JARID2: variants seen among roughly 807,000 people sequenced by gnomAD.
JARID2 encodes the protein jumonji and AT-rich interaction domain containing 2, also known as protein Jumonji.
A neutral mutation model predicts 125.6 loss-of-function variants in JARID2; 21 were observed. The ratio of observed to expected loss-of-function variants is 0.17; its 90% CI spans 0.12 to 0.24. The LOEUF is 0.24. Ranked by LOEUF, JARID2 falls within the 10% of genes least tolerant of loss-of-function variation. The pLI, the probability that JARID2 is intolerant of heterozygous loss-of-function variation, is 1.00. For synonymous variants in JARID2, 736 were observed against 661.6 expected (o/e 1.11, Z -1.73); for missense variants, 1,303 against 1,639.6 (o/e 0.79, Z 3.55).
intron 2 of JARID2, among the ~76,000 whole-genome samples, chr6:15,402,576 C>T (rs1282913951): frequency 2.0e-5 from 3 of 152,224 alleles, no homozygotes; most frequent in South Asian, 2.1e-4. Context: ...AAAAAATGCC[C>T]TTGTGTTTCC....
At chr6:15,336,475 G>T (rs776275959) in intron 1 of JARID2, among the ~76,000 whole-genome samples, 1 of 152,174 alleles carries the variant, frequency 6.6e-6, no homozygotes. Context: ...CTACATTTAA[G>T]ACAATATTTG....
At chr6:15,416,742 G>A (rs530854960) in intron 3 of JARID2, among the ~76,000 whole-genome samples, 3 of 151,788 alleles carry the variant, frequency 2.0e-5, no homozygotes, top group African/African-American at 7.3e-5. Flanking sequence ...GAGAGGGAGA[G>A]GGGCTAACTT....
chr6:15,444,742 T>C (rs916552220), intron 3 of JARID2, among the ~76,000 whole-genome samples: 19 of 150,048 alleles, frequency 1.3e-4, no homozygotes, highest in Admixed American at 9.9e-4. Flanking sequence ...CTGATTTTTT[T>C]TTTTTTTTTT....
chr6:15,490,427 G>A (rs540202003), intron 6 of JARID2, among the ~76,000 whole-genome samples: 14 of 152,242 alleles, frequency 9.2e-5, no homozygotes, highest in African/African-American at 3.1e-4. Context: ...ACTTCCCCTC[G>A]TGCGAACTGG....
intron 1 of JARID2, among the ~76,000 whole-genome samples, chr6:15,333,958 G>A (rs974431858): frequency 1.3e-5 from 2 of 152,114 alleles, no homozygotes; most frequent in African/African-American, 4.8e-5. Context: ...CCCCCGCCCC[G>A]AGACTGGTTT....
intron 5 of JARID2, among the ~76,000 whole-genome samples, chr6:15,478,445 G>T (rs1769455763): frequency 6.6e-6 from 1 of 151,938 alleles, no homozygotes; most frequent in Admixed American, 6.6e-5. Flanking sequence ...TCGTGCTAAT[G>T]TTTTTACTTT....
chr6:15,295,757 G>C (rs1437448281), intron 1 of JARID2, among the ~76,000 whole-genome samples: 1 of 152,166 alleles, frequency 6.6e-6, no homozygotes, highest in Non-Finnish European at 1.5e-5. Context: ...TCTGCCTCCT[G>C]AGTTCAAGTG....
intron 1 of JARID2, among the ~76,000 whole-genome samples, chr6:15,355,398 A>G (rs1203231651): frequency 1.3e-5 from 2 of 152,206 alleles, no homozygotes; most frequent in Non-Finnish European, 2.9e-5. Context: ...TAATGTTAAT[A>G]CATTCTAGAA....
intron 1 of JARID2, chr6:15,368,790 T>C: frequency 2.2e-6 from 1 of 461,778 alleles, no homozygotes; most frequent in Non-Finnish European, 4.4e-6. Flanking sequence ...GGATGGATGT[T>C]TGAAGCATTC....
At chr6:15,513,865 T>TC (rs1771404120) in intron 16 of JARID2, among the ~76,000 whole-genome samples, 2 of 152,328 alleles carry the variant, frequency 1.3e-5, no homozygotes, top group East Asian at 3.9e-4. Flanking sequence ...TTGGCTCTGT[T>TC]CTTGGTTTCC....
At chr6:15,461,142 G>A (rs1441167162) in intron 4 of JARID2, among the ~76,000 whole-genome samples, 3 of 152,194 alleles carry the variant, frequency 2.0e-5, no homozygotes, top group African/African-American at 7.2e-5. Context: ...TAGACCTTGT[G>A]GCATTTGACT....
At chr6:15,433,473 G>A (rs1381281152) in intron 3 of JARID2, among the ~76,000 whole-genome samples, 2 of 145,256 alleles carry the variant, frequency 1.4e-5, no homozygotes, top group East Asian at 2.2e-4. Flanking sequence ...TTAGGCAGTC[G>A]CTTAGGTGGC....
rs115226041 is a variant in JARID2, at chr6:15,460,183, A to G, written c.493+8008A>G. Among the ~76,000 whole-genome samples, 763 of 152,262 alleles carry G rather than the reference A, an allele frequency of 5.0e-3. 8 individuals are homozygous for G. Among genetic ancestry groups the G allele is most frequent in the African/African-American group, 0.018 (731 of 41,524 alleles). On this transcript the variant is annotated intron_variant, in intron 4 of 17. Transcript: ENST00000341776. ...TCAGTTAATAATGAAGAAATCTGAA[A>G]CCCTGAAATTTTTGAGGTCTGAGGA... is the stretch of plus-strand genomic sequence containing the variant.
chr6:15,306,751 T>G (rs1230850817), intron 1 of JARID2, among the ~76,000 whole-genome samples: 1 of 151,906 alleles, frequency 6.6e-6, no homozygotes, highest in Non-Finnish European at 1.5e-5. Flanking sequence ...AAATTTTTTT[T>G]GACTTTTGTT....
At chr6:15,444,828 G>A (rs761361319) in intron 3 of JARID2, among the ~76,000 whole-genome samples, 2 of 114,750 alleles carry the variant, frequency 1.7e-5, no homozygotes, top group Non-Finnish European at 1.7e-5. Flanking sequence ...CTAAATAATT[G>A]GATTTACCAG....
intron 3 of JARID2, among the ~76,000 whole-genome samples, chr6:15,413,008 G>GTTT (rs1041543140): frequency 0.017 from 809 of 47,288 alleles, 66 homozygotes; most frequent in African/African-American, 0.024. Flanking sequence ...TTGTGTTTTT[G>GTTT]TTTTTTTTTT....
chr6:15,287,137 GA>G (rs1480802702), intron 1 of JARID2, among the ~76,000 whole-genome samples: 2 of 148,766 alleles, frequency 1.3e-5, no homozygotes, highest in Non-Finnish European at 3.0e-5. Context: ...CAAAAAAAAA[GA>G]AAACACAAAC....
intron 1 of JARID2, among the ~76,000 whole-genome samples, chr6:15,290,822 ATGTT>A (rs1264971556): frequency 5.9e-5 from 9 of 152,252 alleles, no homozygotes; most frequent in Admixed American, 1.3e-4. Context: ...AGGTTTCACC[ATGTT>A]AGCCAGTATG....
chr6:15,487,284 CTT>C (rs1393103423), intron 5 of JARID2, 21 bp from the exon 6 acceptor site: 1 of 1,601,484 alleles, frequency 6.2e-7, no homozygotes, highest in Non-Finnish European at 8.5e-7. Flanking sequence ...TGATTTCATT[CTT>C]GTTTTCTCCT....
Sources: allele counts gnomAD v4.1 joint callset (sites outside exome capture counted in the v4.1 genomes callset), GRCh38; gene constraint gnomAD v4.1.1; transcripts MANE v1.5; gene names NCBI Gene and HGNC (gene_info 2026-07-23, HGNC 2026-07-21).